Variants in PHF14 observed in about 807,000 individuals in gnomAD.
The protein encoded by PHF14 is PHD finger protein 14.
PHF14 carries 55 observed loss-of-function variants against 117.9 expected under a neutral mutation model. The observed-to-expected ratio is 0.47, with a 90% CI of 0.38 to 0.58. The LOEUF (loss-of-function observed/expected upper bound fraction) is 0.58, where lower values mean the gene tolerates loss of function less well. Among genes scored for constraint, PHF14 ranks in the 20% least tolerant of loss-of-function variants. The pLI is 0.00. For synonymous variants in PHF14, 409 were observed against 368.6 expected (o/e 1.11, Z -1.26); for missense variants, 978 against 1,122.2 (o/e 0.87, Z 1.84).
intron 16 of PHF14, chr7:11,106,115 G>T (rs1223672683): frequency 1.0e-6 from 1 of 983,920 alleles, no homozygotes; most frequent in Non-Finnish European, 1.2e-6. Context: ...ATTTTTATAT[G>T]AATTGTTTTG....
At chr7:11,102,268 G>A (rs1404462793) in intron 16 of PHF14, among the ~76,000 whole-genome samples, 1 of 151,642 alleles carries the variant, frequency 6.6e-6, no homozygotes, top group African/African-American at 2.4e-5. Flanking sequence ...AATACAAGAG[G>A]AGGCAACTCA....
chr7:11,014,156 G>T (rs763698956), intron 5 of PHF14, among the ~76,000 whole-genome samples: 1 of 152,102 alleles, frequency 6.6e-6, no homozygotes, highest in African/African-American at 2.4e-5. Flanking sequence ...GATGAGGCAG[G>T]TGGTAACGTT....
intron 16 of PHF14, among the ~76,000 whole-genome samples, chr7:11,064,565 G>GA (rs1287229626): frequency 1.3e-5 from 2 of 152,018 alleles, no homozygotes; most frequent in East Asian, 3.9e-4. Context: ...TATCACACTA[G>GA]AATCTGCTCT....
At chr7:11,045,342 T>G (rs1307040850) in intron 13 of PHF14, among the ~76,000 whole-genome samples, 5 of 152,240 alleles carry the variant, frequency 3.3e-5, no homozygotes, top group African/African-American at 1.2e-4. Context: ...GACTCTTATT[T>G]CATGACTGTG....
In PHF14 at chr7:11,022,852, T is replaced by C; in HGVS notation, c.1206-16T>C. ...ATTAAAAGATTTGATAGCAAAATCA[T>C]ATCTTCTCTTCTTAGATGGGTTCAT... On this transcript the variant is annotated splice_polypyrimidine_tract_variant and intron_variant, in intron 5 of 17. Transcript: ENST00000634607. The C allele has an allele frequency of 7.1e-7, 1 of 1,407,788 alleles. No individual in the cohort carries two copies. Among genetic ancestry groups the C allele is most frequent in the Non-Finnish European group, 9.8e-7 (1 of 1,020,028 alleles). The allele number at this position is 1,407,788 out of a possible 1,614,324, so 87.2% of individuals were successfully genotyped here.
At chr7:11,138,172 C>G (rs1242103701) in intron 17 of PHF14, among the ~76,000 whole-genome samples, 1 of 151,664 alleles carries the variant, frequency 6.6e-6, no homozygotes, top group Non-Finnish European at 1.5e-5. Context: ...TCCCGAGTAG[C>G]TGGGATTACA....
At chr7:11,075,814 T>C (rs538540107) in intron 16 of PHF14, among the ~76,000 whole-genome samples, 21 of 152,036 alleles carry the variant, frequency 1.4e-4, no homozygotes, top group African/African-American at 4.8e-4. Context: ...AACTGAAGAA[T>C]AGAGCTTAAG....
At chr7:11,134,038 A>G (rs1037248772) in intron 17 of PHF14, among the ~76,000 whole-genome samples, 1 of 152,072 alleles carries the variant, frequency 6.6e-6, no homozygotes, top group Non-Finnish European at 1.5e-5. Flanking sequence ...TAAATCGTTT[A>G]TCAAAGACTA....
intron 13 of PHF14, among the ~76,000 whole-genome samples, chr7:11,045,725 AT>A (rs1217697833): frequency 6.6e-6 from 1 of 152,172 alleles, no homozygotes; most frequent in Non-Finnish European, 1.5e-5. Flanking sequence ...AGAAGTAATT[AT>A]TGGTGGAAGG....
intron 16 of PHF14, chr7:11,104,318 A>C (rs1787185011): frequency 1.2e-5 from 12 of 980,218 alleles, no homozygotes; most frequent in Non-Finnish European, 1.5e-5. Flanking sequence ...AATTCATAAG[A>C]TATAGGTCCT....
At chr7:11,148,076 T>C (rs1395712698) in intron 17 of PHF14, among the ~76,000 whole-genome samples, 2 of 152,198 alleles carry the variant, frequency 1.3e-5, no homozygotes, top group Non-Finnish European at 2.9e-5. Context: ...TCATACTTCT[T>C]TCCGTTCTGA....
At chr7:11,156,772 C>G (rs1191332245) in intron 17 of PHF14, among the ~76,000 whole-genome samples, 1 of 151,926 alleles carries the variant, frequency 6.6e-6, no homozygotes, top group Admixed American at 6.6e-5. Context: ...CCAGCCTGGT[C>G]ATAGAGCGAG....
At chr7:11,078,970 T>C (rs1313012955) in intron 16 of PHF14, among the ~76,000 whole-genome samples, 1 of 152,146 alleles carries the variant, frequency 6.6e-6, no homozygotes, top group Non-Finnish European at 1.5e-5. Context: ...TTATTATCTA[T>C]GTAGCTACTA....
chr7:11,141,907 G>A (rs1788411639), intron 17 of PHF14, among the ~76,000 whole-genome samples: 1 of 151,872 alleles, frequency 6.6e-6, no homozygotes, highest in Non-Finnish European at 1.5e-5. Flanking sequence ...GCTTCTGTGA[G>A]AGAAAAATAC....
rs1377674882 is a variant in PHF14, at chr7:10,974,237, G to C, written c.-87G>C. 5.2e-6 allele frequency: 6 copies of C among 1,159,792 alleles called. No individual in the cohort carries two copies. The highest frequency in any genetic ancestry group is 1.3e-6 in the Non-Finnish European group (1 of 794,844). 71.8% of individuals were successfully genotyped at this position (1,159,792 alleles called of 1,614,324 possible). A position where few individuals can be genotyped will look rare whatever the true frequency, so the allele number is the denominator to read the frequency against. ...AATAGCATCTTTCGGACTTGTCTTC[G>C]CGGCCCCAGTCCCCGACCTCGGCGC... On this transcript the variant is annotated 5_prime_UTR_variant, in exon 1 of 18. Transcript: ENST00000634607.
chr7:11,122,352 T>TACAC (rs747467173), intron 17 of PHF14, among the ~76,000 whole-genome samples: 725 of 65,702 alleles, frequency 0.011, 33 homozygotes, highest in South Asian at 0.049. Flanking sequence ...TATATATATA[T>TACAC]ACACACACAC....
chr7:11,128,301 A>T (rs1229684074), intron 17 of PHF14, among the ~76,000 whole-genome samples: 1 of 152,064 alleles, frequency 6.6e-6, no homozygotes, highest in East Asian at 1.9e-4. Flanking sequence ...TTTCAAGATG[A>T]TCTTGTCTCT....
intron 4 of PHF14, among the ~76,000 whole-genome samples, chr7:11,005,567 C>G (rs533219427): frequency 4.5e-4 from 68 of 152,264 alleles, no homozygotes; most frequent in African/African-American, 1.5e-3. Flanking sequence ...AGATATTTTT[C>G]TACAACTTGC....
chr7:10,993,756 C>G (rs978045131), intron 4 of PHF14, among the ~76,000 whole-genome samples: 4 of 152,140 alleles, frequency 2.6e-5, no homozygotes, highest in African/African-American at 9.7e-5. Context: ...GCCTGTAAAT[C>G]CCAGCACTTT....
Sources: gnomAD v4.1 joint callset for allele counts (sites outside exome capture counted in the v4.1 genomes callset) on GRCh38, gnomAD v4.1.1 for gene constraint, MANE v1.5 for transcripts, NCBI Gene and HGNC (gene_info 2026-07-23, HGNC 2026-07-21) for gene names.